The following TTC39B variants were observed in gnomAD, a reference collection of about 807,000 sequenced individuals.
The protein encoded by TTC39B is tetratricopeptide repeat domain 39B.
Under a neutral mutation model 96.6 loss-of-function variants are expected in TTC39B, and 92 were observed. That is an observed-to-expected ratio of 0.95 (90% CI 0.80 to 1.13). TTC39B has a LOEUF of 1.13. TTC39B is among the 50% of genes most tolerant of loss of function. The probability of loss-of-function intolerance (pLI) is 0.00; values close to 1 mark genes in which losing one functional copy is unlikely to be tolerated. For missense variants in TTC39B, 955 were observed against 809.3 expected (o/e 1.18, Z -2.18); for synonymous variants, 367 against 299.4 (o/e 1.23, Z -2.33).
chr9:15,294,528 C>T (rs1824301775), intron 1 of TTC39B, among the ~76,000 whole-genome samples: 1 of 152,212 alleles, frequency 6.6e-6, no homozygotes, highest in Admixed American at 6.5e-5. Context: ...ACCTCCCTTG[C>T]TGACAAATAT....
At chr9:15,177,951 G>C (rs1400061915) in intron 17 of TTC39B, 137 bp from the exon 18 acceptor site, 14 of 478,308 alleles carry the variant, frequency 2.9e-5, no homozygotes, top group Non-Finnish European at 4.3e-5. Flanking sequence ...CTCACTGCAA[G>C]CTCCGTCTCC....
intron 11 of TTC39B, among the ~76,000 whole-genome samples, chr9:15,190,279 G>C (rs1238260907): frequency 6.6e-6 from 1 of 151,662 alleles, no homozygotes; most frequent in East Asian, 1.9e-4. Flanking sequence ...ACTAGCTCTT[G>C]CTGATCTTTC....
chr9:15,188,108 T>C (rs1407977), exon 14 of TTC39B: 1,019,578 of 1,603,606 alleles, frequency 0.64, 329,547 homozygotes, highest in East Asian at 0.92. Context: ...TGAACTGAAA[T>C]GCATTTTTGA....
At chr9:15,169,002 A>G (rs1817580001) in exon 20 of TTC39B, 1 of 152,182 alleles carries the variant, frequency 6.6e-6, no homozygotes, top group Non-Finnish European at 1.5e-5. Flanking sequence ...TAATAAAAGA[A>G]TCATAGAGTG....
intron 1 of TTC39B, among the ~76,000 whole-genome samples, chr9:15,286,633 A>C (rs1484502995): frequency 1.3e-5 from 2 of 152,188 alleles, no homozygotes; most frequent in African/African-American, 2.4e-5. Context: ...TTCCTCACCC[A>C]AAGTACCCCT....
At chr9:15,215,687 G>C (rs547664116) in intron 3 of TTC39B, among the ~76,000 whole-genome samples, 12 of 151,372 alleles carry the variant, frequency 7.9e-5, no homozygotes, top group African/African-American at 2.7e-4. Context: ...GTGAAACCCC[G>C]TCTCTACTAA....
At position 15,174,870 on chromosome 9, in the gene TTC39B, G is replaced by C. The variant is rs1304631925; in HGVS notation, c.1958+149C>G. On this transcript the variant is annotated intron_variant, in intron 19 of 19. Coordinates refer to ENST00000512701, the Ensembl canonical transcript of TTC39B. ...AGCACAATTACAGCAAAAGCCATGAGCATAAATCAACCAGAAGTTAGCAAA... is the reference window on the plus strand; with the variant it reads ...AGCACAATTACAGCAAAAGCCATGACCATAAATCAACCAGAAGTTAGCAAA... The C allele has an allele frequency of 4.7e-6, 3 of 644,790 alleles. No homozygotes were observed. In the East Asian group the frequency reaches 8.0e-5, roughly 17 times the overall value. 39.9% of individuals were successfully genotyped at this position (644,790 alleles called of 1,614,324 possible). A position where few individuals can be genotyped will look rare whatever the true frequency, so the allele number is the denominator to read the frequency against.
chr9:15,192,749 A>G, intron 8 of TTC39B, 54 bp from the exon 9 acceptor site: 1 of 1,231,536 alleles, frequency 8.1e-7, no homozygotes, highest in Non-Finnish European at 1.2e-6. Context: ...CTGAAAATAA[A>G]TATTAAATCA....
chr9:15,252,578 G>A (rs1318837506), intron 2 of TTC39B, among the ~76,000 whole-genome samples: 1 of 152,068 alleles, frequency 6.6e-6, no homozygotes, highest in African/African-American at 2.4e-5. Context: ...AACCTGGGAG[G>A]CACAGGTTGC....
At chr9:15,172,923 C>T (rs887826650) in intron 19 of TTC39B, among the ~76,000 whole-genome samples, 3 of 152,014 alleles carry the variant, frequency 2.0e-5, no homozygotes, top group African/African-American at 7.3e-5. Flanking sequence ...TGGAGTTTAC[C>T]GACAGATGGA....
chr9:15,215,166 G>T (rs1328482235), intron 3 of TTC39B, among the ~76,000 whole-genome samples: 21 of 152,140 alleles, frequency 1.4e-4, no homozygotes. Flanking sequence ...GTGGGAGGAT[G>T]CTTGAGCTCA....
rs369273863 is a variant in TTC39B, at chr9:15,237,002, C to CA, written c.276-10991dup. On this transcript the variant is annotated intron_variant, in intron 2 of 19. Coordinates refer to ENST00000512701, the Ensembl canonical transcript of TTC39B. Reference sequence around the variant, plus strand: ...AGAACAAAACTAAATGAGATTGAGACAAAAAAAAAAAGGCAAGGACTCAAT... The same window carrying CA: ...AGAACAAAACTAAATGAGATTGAGACAAAAAAAAAAAAGGCAAGGACTCAAT... Among the ~76,000 whole-genome samples the CA allele has an allele frequency of 7.7e-4, 110 of 142,044 alleles. 1 individual carries two copies. Among genetic ancestry groups the CA allele is most frequent in the Middle Eastern group, 3.6e-3 (1 of 280 alleles). 93.2% of individuals were successfully genotyped at this position (142,044 alleles called of 152,430 possible).
chr9:15,183,657 T>C (rs1193272136), intron 16 of TTC39B, among the ~76,000 whole-genome samples: 1 of 152,164 alleles, frequency 6.6e-6, no homozygotes, highest in Non-Finnish European at 1.5e-5. Context: ...TAGAAAATTT[T>C]CTGTAGAGTT....
chr9:15,234,631 G>T (rs113876366), intron 2 of TTC39B, among the ~76,000 whole-genome samples: 1 of 152,102 alleles, frequency 6.6e-6, no homozygotes, highest in African/African-American at 2.4e-5. Flanking sequence ...GATGGTTGCC[G>T]TGTCTGTGTA....
At chr9:15,173,933 CATT>C (rs1817791674) in intron 19 of TTC39B, among the ~76,000 whole-genome samples, 1 of 152,180 alleles carries the variant, frequency 6.6e-6, no homozygotes, top group Non-Finnish European at 1.5e-5. Context: ...AAAGCATCAT[CATT>C]GACCCAGTGG....
At chr9:15,171,062 C>A (rs1817635581) in exon 20 of TTC39B, 1 of 152,184 alleles carries the variant, frequency 6.6e-6, no homozygotes. Flanking sequence ...GAGTGTCAAG[C>A]TCTCTTCTGC....
intron 2 of TTC39B, among the ~76,000 whole-genome samples, chr9:15,239,550 T>C (rs1821944782): frequency 6.6e-6 from 1 of 151,956 alleles, no homozygotes; most frequent in Admixed American, 6.6e-5. Flanking sequence ...ATAAAGAAAA[T>C]GTGGAATAGA....
intron 3 of TTC39B, among the ~76,000 whole-genome samples, chr9:15,223,674 A>G (rs1187322001): frequency 1.3e-5 from 2 of 152,224 alleles, no homozygotes; most frequent in African/African-American, 4.8e-5. Flanking sequence ...ATGCATTAGA[A>G]GACCTATCAA....
intron 2 of TTC39B, among the ~76,000 whole-genome samples, chr9:15,266,034 A>G (rs1823117598): frequency 6.6e-6 from 1 of 152,232 alleles, no homozygotes; most frequent in South Asian, 2.1e-4. Context: ...CTAGGTACAA[A>G]CTAAATAAAT....
Sources: gnomAD v4.1 joint callset for allele counts (sites outside exome capture counted in the v4.1 genomes callset) on GRCh38, gnomAD v4.1.1 for gene constraint, MANE v1.5 for transcripts, NCBI Gene and HGNC (gene_info 2026-07-23, HGNC 2026-07-21) for gene names.